IQSEC1: variants seen among roughly 807,000 people sequenced by gnomAD.
IQSEC1 encodes IQ motif and Sec7 domain ArfGEF 1.
A neutral mutation model predicts 91.0 loss-of-function variants in IQSEC1; 31 were observed. The ratio of observed to expected loss-of-function variants is 0.34; its 90% confidence interval spans 0.26 to 0.46. IQSEC1 has a LOEUF of 0.46. Among genes scored for constraint, IQSEC1 ranks in the 20% least tolerant of loss-of-function variants. The pLI is 1.00. For missense variants in IQSEC1, 1,388 were observed against 1,575.6 expected, an observed-to-expected ratio of 0.88 and a Z score of 2.02; for synonymous variants, 699 against 662.6, an observed-to-expected ratio of 1.05 and a Z score of -0.84.
intron 8 of IQSEC1, among the ~76,000 whole-genome samples, chr3:12,914,162 G>A (rs1346961730): frequency 6.6e-6 from 1 of 152,226 alleles, no homozygotes; most frequent in Non-Finnish European, 1.5e-5. Context: ...ACACTCTGTG[G>A]CACTTGCCCT....
chr3:13,102,054 G>C (rs961527952), intron 2 of IQSEC1, among the ~76,000 whole-genome samples: 6 of 151,998 alleles, frequency 3.9e-5, no homozygotes, highest in African/African-American at 1.4e-4. Context: ...GAGGCAAGTG[G>C]ATCGCTTGAG....
chr3:13,054,962 C>G (rs1049268953), intron 1 of IQSEC1, among the ~76,000 whole-genome samples: 5 of 152,242 alleles, frequency 3.3e-5, no homozygotes, highest in Non-Finnish European at 5.9e-5. Context: ...ATAAACTGGC[C>G]TGAGGGGCTG....
At position 13,193,908 on chromosome 3, in the gene IQSEC1, C is replaced by A. The variant is rs536054611; in HGVS notation, c.273-29775G>T. Reference sequence around the variant, plus strand: ...ATGCCCTGGGGCTTCGGCCACAGACCAAGCTTGGTTTCCTCACAGCTCTGG... The same window carrying A: ...ATGCCCTGGGGCTTCGGCCACAGACAAAGCTTGGTTTCCTCACAGCTCTGG... On this transcript the variant is annotated intron_variant, in intron 1 of 15. Coordinates refer to the IQSEC1 transcript ENST00000648114. This position sits in a 1 kb window ranked among gnomAD's most constrained non-coding sequence, Gnocchi z 4.2. Among the ~76,000 whole-genome samples, 1 of 152,206 alleles carries A rather than the reference C, an allele frequency of 6.6e-6. No individual in the cohort carries two copies. The highest frequency in any genetic ancestry group is 2.4e-5 in the African/African-American group (1 of 41,442).
intron 1 of IQSEC1, among the ~76,000 whole-genome samples, chr3:12,982,769 A>G (rs1172054544): frequency 6.6e-6 from 1 of 152,212 alleles, no homozygotes; most frequent in Non-Finnish European, 1.5e-5. Context: ...GACAGGAAAG[A>G]GCTGCCTGCC....
chr3:13,213,852 C>G (rs1694490477), intron 1 of IQSEC1, among the ~76,000 whole-genome samples: 1 of 152,146 alleles, frequency 6.6e-6, no homozygotes, highest in African/African-American at 2.4e-5. Context: ...TGGCCATCAC[C>G]TGCCCACCTG....
At position 13,103,193 on chromosome 3, in the gene IQSEC1, C is replaced by T. The variant is rs149660271; in HGVS notation, c.303-55671G>A. On this transcript the variant is annotated intron_variant, in intron 2 of 15. Coordinates refer to the IQSEC1 transcript ENST00000648114. The surrounding 1 kb of genome is among the most constrained non-coding windows in gnomAD (Gnocchi z 4.1). ...GTCAGTTCAGGGAAGGGGCCTGCAT[C>T]GAACTCTCGCCACCTCCCTAAGCCA... Among the ~76,000 whole-genome samples the T allele has an allele frequency of 6.6e-6, 1 of 152,096 alleles. No individual in the cohort carries two copies. Among genetic ancestry groups the T allele is most frequent in the East Asian group, 1.9e-4 (1 of 5,152 alleles).
intron 1 of IQSEC1, among the ~76,000 whole-genome samples, chr3:12,962,073 T>A (rs2125488321): frequency 6.6e-6 from 1 of 152,184 alleles, no homozygotes; most frequent in Admixed American, 6.5e-5. Context: ...CAGGGAGGGA[T>A]GGGATGAGAT....
At chr3:12,989,577 C>G (rs952839697) in intron 1 of IQSEC1, among the ~76,000 whole-genome samples, 10 of 152,270 alleles carry the variant, frequency 6.6e-5, no homozygotes, top group African/African-American at 2.4e-4. Context: ...TTCAAGCACC[C>G]CTAGGATCAC....
chr3:13,133,772 G>A (rs1000538609), intron 2 of IQSEC1, among the ~76,000 whole-genome samples: 1 of 152,226 alleles, frequency 6.6e-6, no homozygotes, highest in African/African-American at 2.4e-5. Flanking sequence ...GCTTGGCCCA[G>A]CCCAACGGGC....
intron 2 of IQSEC1, among the ~76,000 whole-genome samples, chr3:12,939,907 C>T (rs908478221): frequency 6.6e-6 from 1 of 152,212 alleles, no homozygotes; most frequent in Non-Finnish European, 1.5e-5. Context: ...GCTCCTGTGC[C>T]ACAGTGGAGC....
At chr3:12,914,020 A>G (rs1695826089) in intron 8 of IQSEC1, among the ~76,000 whole-genome samples, 1 of 152,226 alleles carries the variant, frequency 6.6e-6, no homozygotes, top group Admixed American at 6.5e-5. Flanking sequence ...AGTAACGACA[A>G]AACTAGGAAG....
At chr3:13,133,753 G>C (rs1173282083) in intron 2 of IQSEC1, among the ~76,000 whole-genome samples, 1 of 152,256 alleles carries the variant, frequency 6.6e-6, no homozygotes, top group Non-Finnish European at 1.5e-5. Context: ...CTCTCCCCAA[G>C]GGGATGCTGC....
chr3:13,018,122 G>A (rs1703227446), intron 1 of IQSEC1, among the ~76,000 whole-genome samples: 1 of 152,204 alleles, frequency 6.6e-6, no homozygotes, highest in Non-Finnish European at 1.5e-5. Context: ...GAAGGATGGT[G>A]CCAGTTCCAA....
chr3:13,140,239 G>A (rs2124936090), intron 2 of IQSEC1, among the ~76,000 whole-genome samples: 1 of 152,244 alleles, frequency 6.6e-6, no homozygotes, highest in South Asian at 2.1e-4. Flanking sequence ...TCTGCTGCTT[G>A]CATGTCTCAG....
chr3:13,182,569 C>A (rs980548753), intron 1 of IQSEC1, among the ~76,000 whole-genome samples: 3 of 151,974 alleles, frequency 2.0e-5, no homozygotes, highest in African/African-American at 7.3e-5. Flanking sequence ...GGATAGATGG[C>A]TAGAGAGATG....
chr3:12,912,942 C>G (rs1309632649), intron 9 of IQSEC1, among the ~76,000 whole-genome samples: 1 of 152,196 alleles, frequency 6.6e-6, no homozygotes, highest in African/African-American at 2.4e-5. Flanking sequence ...GGGACCTAGG[C>G]CTAGCCAATC....
chr3:13,174,146 C>G (rs1014602424), intron 1 of IQSEC1, among the ~76,000 whole-genome samples: 13 of 152,180 alleles, frequency 8.5e-5, no homozygotes, highest in Non-Finnish European at 1.9e-4. Context: ...CGCCCAGCCT[C>G]AGACCCTGGA....
chr3:12,906,147 ATGGATGTCGAGTGCAGACCTGGGACAGC>A (rs1167913840), intron 12 of IQSEC1, among the ~76,000 whole-genome samples: 1 of 152,102 alleles, frequency 6.6e-6, no homozygotes, highest in East Asian at 1.9e-4. Context: ...CCTCCTTTGG[ATGGATGTCGAGTGCAGACCTGGGACAGC>A]TGCTCTCAGG....
intron 1 of IQSEC1, among the ~76,000 whole-genome samples, chr3:13,020,456 G>A (rs1703348117): frequency 6.6e-6 from 1 of 152,222 alleles, no homozygotes; most frequent in East Asian, 1.9e-4. Flanking sequence ...TCACCCAGCA[G>A]CAGAGACAAC....
Sources: gnomAD v4.1 joint callset for allele counts (sites outside exome capture counted in the v4.1 genomes callset) on GRCh38, gnomAD v4.1.1 for gene constraint, Gnocchi (gnomAD v3.1) non-coding constraint, MANE v1.5 for transcripts, NCBI Gene and HGNC (gene_info 2026-07-23, HGNC 2026-07-21) for gene names.